Variants in FRMD1 observed in about 807,000 individuals in gnomAD.
FRMD1 encodes the protein FERM domain-containing protein 1.
A neutral mutation model predicts 54.9 loss-of-function variants in FRMD1; 51 were observed. That is an observed-to-expected ratio of 0.93 (90% CI 0.74 to 1.17). The LOEUF is 1.17. Among genes scored for constraint, FRMD1 ranks in the 50% most tolerant of loss-of-function variants. The pLI, the probability that FRMD1 is intolerant of heterozygous loss-of-function variation, is 0.00. For missense variants in FRMD1, 729 were observed against 743.0 expected (o/e 0.98, Z 0.22); for synonymous variants, 324 against 306.4 (o/e 1.06, Z -0.60).
chr6:168,089,287 C>A (rs1332097324), intron 1 of FRMD1, among the ~76,000 whole-genome samples: 1 of 152,228 alleles, frequency 6.6e-6, no homozygotes, highest in Non-Finnish European at 1.5e-5. Context: ...GGGTGTGTCA[C>A]AGCCCCTGGG....
Position 168,065,042 on chromosome 6 carries a change from C to T in FRMD1, c.477G>A (p.Arg159=), listed in dbSNP as rs756662369. The change falls in exon 5 of 11, where the codon CGG becomes CGA. Residue 159 remains arginine, a synonymous_variant. Transcript: ENST00000283309. ...NGRVISDHRA[R]HLYYCHLKER... is the part of the protein sequence containing the mutation. ...CCTTCAAGTGGCAGTAGTACAGGTG[C>T]CGTGCCCTGTGGTCGCTGGAAGGTG... 18 of 1,603,630 alleles carry T rather than the reference C, an allele frequency of 1.1e-5. No homozygotes were observed. The highest frequency in any genetic ancestry group is 3.3e-5 in the Admixed American group (2 of 59,840).
chr6:168,061,332 TG>T (rs1205946051), intron 8 of FRMD1, among the ~76,000 whole-genome samples: 3 of 148,604 alleles, frequency 2.0e-5, no homozygotes, highest in Non-Finnish European at 3.0e-5. Context: ...ACCAGGCCTG[TG>T]GGTAAACGCT....
chr6:168,071,703 G>C (rs1265530657), intron 2 of FRMD1, among the ~76,000 whole-genome samples: 1 of 152,234 alleles, frequency 6.6e-6, no homozygotes, highest in East Asian at 1.9e-4. Flanking sequence ...GGCAGGAGTC[G>C]GAAAGCCCTC....
upstream of FRMD1, among the ~76,000 whole-genome samples, chr6:168,084,333 G>T (rs531292462): frequency 1.3e-5 from 2 of 152,368 alleles, no homozygotes; most frequent in Middle Eastern, 3.4e-3. Context: ...AGCACTGCGC[G>T]TGTCGGATTA....
rs1200586074 is a variant in FRMD1, at chr6:168,053,757, G to A, written c.*3340C>T. The A allele has an allele frequency of 6.6e-6, 1 of 152,290 alleles. No individual in the cohort carries two copies. Among genetic ancestry groups the A allele is most frequent in the African/African-American group, 2.4e-5 (1 of 41,472 alleles). The allele number at this position is 152,290 out of a possible 1,614,324, so 9.4% of individuals were successfully genotyped here. On this transcript the variant is annotated 3_prime_UTR_variant, in exon 11 of 11. Coordinates refer to ENST00000283309, the MANE Select transcript of FRMD1 (RefSeq NM_024919.6). ...ATTTCCCCCGCCTGGGGAACCCAGA[G>A]TCCATGGGCCACGACGGGCTGATGC...
At chr6:168,077,789 G>A (rs1356456332) in intron 1 of FRMD1, among the ~76,000 whole-genome samples, 1 of 152,222 alleles carries the variant, frequency 6.6e-6, no homozygotes, top group Non-Finnish European at 1.5e-5. Context: ...GGGGGCCAAA[G>A]CCCCAGCATC....
chr6:168,057,450 C>T, intron 10 of FRMD1, 111 bp from the exon 11 acceptor site: 1 of 1,498,636 alleles, frequency 6.7e-7, no homozygotes. Flanking sequence ...CCAATGCCCA[C>T]CCTGCGCCGC....
chr6:168,087,234 T>C (rs1800936679), intron 1 of FRMD1, among the ~76,000 whole-genome samples: 2 of 152,078 alleles, frequency 1.3e-5, no homozygotes, highest in Admixed American at 6.5e-5. Flanking sequence ...GCCCAGCTAA[T>C]GTTTTGTATT....
Position 168,059,116 on chromosome 6 carries a change from G to A in FRMD1, c.1407+8C>T, listed in dbSNP as rs1302023038. The A allele has an allele frequency of 6.4e-7, 1 of 1,565,540 alleles. No homozygotes were observed. Among genetic ancestry groups the A allele is most frequent in the Non-Finnish European group, 8.6e-7 (1 of 1,159,576 alleles). On this transcript the variant is annotated splice_region_variant and intron_variant, in intron 10 of 10. Coordinates refer to ENST00000283309, the MANE Select transcript of FRMD1 (RefSeq NM_024919.6). The surrounding 1 kb of genome is among the most constrained non-coding windows in gnomAD (Gnocchi z 4.4). ...GCCAGGGCTTCTGGCCCGTGGGGGGGACTCTACCTGGTGCACGGCCTCGGC... is the reference window on the plus strand; with the variant it reads ...GCCAGGGCTTCTGGCCCGTGGGGGGAACTCTACCTGGTGCACGGCCTCGGC...
At chr6:168,065,318 C>G (rs1167893132) in intron 4 of FRMD1, 24 of 1,268,286 alleles carry the variant, frequency 1.9e-5, no homozygotes, top group Non-Finnish European at 2.4e-5. Flanking sequence ...GGTCCCACTC[C>G]TTCCCCAGTG....
intron 1 of FRMD1, among the ~76,000 whole-genome samples, chr6:168,077,880 C>G (rs1800667222): frequency 6.6e-6 from 1 of 152,344 alleles, no homozygotes; most frequent in African/African-American, 2.4e-5. Context: ...AGGACATCCC[C>G]CATTAGCTCA....
intron 1 of FRMD1, among the ~76,000 whole-genome samples, chr6:168,089,964 C>T (rs1199742787): frequency 6.6e-6 from 1 of 152,200 alleles, no homozygotes; most frequent in African/African-American, 2.4e-5. Context: ...AAAGCAGCTG[C>T]TCAGCACTCG....
At chr6:168,090,141 G>T (rs1357035730) in intron 1 of FRMD1, among the ~76,000 whole-genome samples, 1 of 152,002 alleles carries the variant, frequency 6.6e-6, no homozygotes, top group Non-Finnish European at 1.5e-5. Context: ...TCCACCACTG[G>T]GACCCACCCC....
intron 7 of FRMD1, chr6:168,062,682 G>A (rs772701083): frequency 2.6e-6 from 4 of 1,550,586 alleles, no homozygotes; most frequent in Admixed American, 2.0e-5. Context: ...AGAAATGCCA[G>A]CTTCCCAACG....
chr6:168,082,501 A>C (rs2115027549), upstream of FRMD1, among the ~76,000 whole-genome samples: 1 of 152,320 alleles, frequency 6.6e-6, no homozygotes, highest in African/African-American at 2.4e-5. Context: ...CAGCACTGCG[A>C]GGGCTTCTCG....
In FRMD1 at chr6:168,066,849, A is replaced by C; in HGVS notation, c.385-18T>G. ...TCATTTCCCTAGTGGGGAAAATGCAAGAAAGAGCAAGTGAGCCGCAGGGAG... is the reference window on the plus strand; with the variant it reads ...TCATTTCCCTAGTGGGGAAAATGCACGAAAGAGCAAGTGAGCCGCAGGGAG... On this transcript the variant is annotated intron_variant, in intron 3 of 10. Coordinates refer to ENST00000283309, the MANE Select transcript of FRMD1 (RefSeq NM_024919.6). 6.2e-7 allele frequency: 1 copy of C among 1,610,246 alleles called. No individual in the cohort carries two copies. Among genetic ancestry groups the C allele is most frequent in the Non-Finnish European group, 8.5e-7 (1 of 1,178,946 alleles).
At chr6:168,090,178 T>G (rs2341610) in intron 1 of FRMD1, among the ~76,000 whole-genome samples, 98,533 of 151,518 alleles carry the variant, frequency 0.65, 32,071 homozygotes, top group Middle Eastern at 0.78. Flanking sequence ...CTCCTGAATG[T>G]TGGCAATGGG....
Position 168,079,080 on chromosome 6 carries a change from C to G in FRMD1, c.15G>C (p.Pro5=). The G allele has an allele frequency of 6.2e-7, 1 of 1,604,026 alleles. No homozygotes were observed. Among genetic ancestry groups the G allele is most frequent in the Non-Finnish European group, 8.5e-7 (1 of 1,178,390 alleles). Reference sequence around the variant, plus strand: ...GGGCGGGGTCTATGCCCCTCCCTCTCGGGGGCACCGCCATGCTGTCGTTAC... The same window carrying G: ...GGGCGGGGTCTATGCCCCTCCCTCTGGGGGGCACCGCCATGCTGTCGTTAC... The part of the protein sequence containing the change: MAVP[P]RGRGIDPART... Residue 5 remains proline (P), a synonymous_variant, in exon 1 of 11, where the codon CCG becomes CCC. Coordinates refer to ENST00000283309, the MANE Select transcript of FRMD1 (RefSeq NM_024919.6).
intron 2 of FRMD1, among the ~76,000 whole-genome samples, chr6:168,070,727 C>T (rs566488206): frequency 3.3e-5 from 5 of 152,326 alleles, no homozygotes; most frequent in Admixed American, 1.3e-4. Context: ...CGGAAGGATA[C>T]GTGTATACAG....
Sources: gnomAD v4.1 joint callset for allele counts (sites outside exome capture counted in the v4.1 genomes callset) on GRCh38, gnomAD v4.1.1 for gene constraint, Gnocchi (gnomAD v3.1) non-coding constraint, MANE v1.5 for transcripts, NCBI Gene and HGNC (gene_info 2026-07-23, HGNC 2026-07-21) for gene names.